The following EML6 variants were observed in gnomAD, a reference collection of about 807,000 sequenced individuals.
The protein encoded by EML6 is EMAP like 6.
A neutral mutation model predicts 240.1 loss-of-function variants in EML6; 154 were observed. That is an observed-to-expected ratio of 0.64 (90% CI 0.56 to 0.73). The LOEUF (loss-of-function observed/expected upper bound fraction) is 0.73, where lower values mean the gene tolerates loss of function less well. EML6 is among the 30% of genes least tolerant of loss of function. EML6 has a pLI of 0.00. For missense variants in EML6, 2,964 were observed against 2,474.6 expected, an observed-to-expected ratio of 1.20 and a Z score of -4.20; for synonymous variants, 1,148 against 899.0, an observed-to-expected ratio of 1.28 and a Z score of -4.95.
Position 54,899,677 on chromosome 2 carries a change from C to T in EML6, c.3019C>T (p.His1007Tyr). 6.4e-7 allele frequency: 1 copy of T among 1,553,962 alleles called. No homozygotes were observed. Residue 1007 changes from histidine to tyrosine, a missense_variant, in exon 22 of 42, where the codon CAC (histidine) becomes TAC (tyrosine). Physicochemically the swap from His to Tyr is moderately conservative, Grantham distance 83. Coordinates refer to ENST00000356458, the MANE Select transcript of EML6 (RefSeq NM_001039753.4). ...AGGAGAAGTGTGGGGGTTGGCAGCT[C>T]ACCCTCTCCTGCCCATCTGTGCAAC... ...MEGEVWGLAA[H>Y]PLLPICATVS...
At chr2:54,849,399 A>G (rs1413840591) in intron 9 of EML6, among the ~76,000 whole-genome samples, 1 of 152,128 alleles carries the variant, frequency 6.6e-6, no homozygotes, top group Non-Finnish European at 1.5e-5. Context: ...CCATTAATCT[A>G]CTTCTCTTCA....
intron 7 of EML6, among the ~76,000 whole-genome samples, chr2:54,836,768 C>G (rs12996834): frequency 6.6e-6 from 1 of 152,168 alleles, no homozygotes; most frequent in Non-Finnish European, 1.5e-5. Flanking sequence ...AATTCCTAAT[C>G]GTTTTTTAGC....
At chr2:54,944,675 C>T (rs1386459638) in intron 28 of EML6, among the ~76,000 whole-genome samples, 1 of 152,100 alleles carries the variant, frequency 6.6e-6, no homozygotes, top group Admixed American at 6.5e-5. Flanking sequence ...GTGTGATAGG[C>T]TTCAGTCAAG....
intron 13 of EML6, among the ~76,000 whole-genome samples, chr2:54,866,494 ATACT>A (rs1670977502): frequency 6.6e-6 from 1 of 152,218 alleles, no homozygotes; most frequent in Non-Finnish European, 1.5e-5. Flanking sequence ...TATTTTACTG[ATACT>A]TAATTTCCTT....
intron 16 of EML6, among the ~76,000 whole-genome samples, chr2:54,872,337 T>A (rs995637260): frequency 6.6e-6 from 1 of 152,216 alleles, no homozygotes; most frequent in East Asian, 1.9e-4. Context: ...AGAATGCTGA[T>A]TTTATAATTT....
At chr2:54,936,425 G>A (rs1403203530) in intron 28 of EML6, among the ~76,000 whole-genome samples, 1 of 152,134 alleles carries the variant, frequency 6.6e-6, no homozygotes, top group Admixed American at 6.5e-5. Flanking sequence ...CACTTAACCG[G>A]CCACATAGGG....
At chr2:54,941,141 C>T (rs150450579) in intron 28 of EML6, among the ~76,000 whole-genome samples, 1 of 152,280 alleles carries the variant, frequency 6.6e-6, no homozygotes, top group East Asian at 1.9e-4. Context: ...TTTTAATTGA[C>T]ATGCAATAAT....
Position 54,863,998 on chromosome 2 carries a change from C to G in EML6, c.1932+109C>G, listed in dbSNP as rs1272838398. On this transcript the variant is annotated intron_variant, in intron 13 of 41. Transcript: ENST00000356458. ...GGCACTTAGACAAAGAGAATTGAGG[C>G]AAAAACAAGAAAAATAGTCTACTTT... 6 of 610,426 alleles carry G rather than the reference C, an allele frequency of 9.8e-6. No homozygotes were observed. The South Asian group carries it at 1.2e-4, about 12-fold the overall frequency. 37.8% of individuals were successfully genotyped at this position (610,426 alleles called of 1,614,324 possible). A position where few individuals can be genotyped will look rare whatever the true frequency, so the allele number is the denominator to read the frequency against.
intron 32 of EML6, among the ~76,000 whole-genome samples, chr2:54,954,528 A>T (rs1222098550): frequency 6.6e-6 from 1 of 152,198 alleles, no homozygotes; most frequent in Non-Finnish European, 1.5e-5. Flanking sequence ...CCTGGATCCT[A>T]CTACAGCCCT....
chr2:54,874,079 C>T (rs1558637419), intron 16 of EML6, among the ~76,000 whole-genome samples: 1 of 152,086 alleles, frequency 6.6e-6, no homozygotes, highest in African/African-American at 2.4e-5. Context: ...GATTAATTTT[C>T]TATTTTTTGA....
rs564285338 is a variant in EML6 at position 54,881,529 on chromosome 2, C to T, written c.2438+1889C>T. ...AATTAGCCAGGCGTGGTGGCGGGCG[C>T]CTGTAATCCTAGCTACTCAGGAGGC... On this transcript the variant is annotated intron_variant, in intron 17 of 41. Coordinates refer to ENST00000356458, the MANE Select transcript of EML6 (RefSeq NM_001039753.4). 9 of 151,762 alleles carry T rather than the reference C, an allele frequency of 5.9e-5. No homozygotes were observed. The South Asian group carries it at 1.9e-3, about 32-fold the overall frequency. The allele number at this position is 151,762 out of a possible 1,614,324, so 9.4% of individuals were successfully genotyped here. A position where few individuals can be genotyped will look rare whatever the true frequency, so the allele number is the denominator to read the frequency against.
intron 2 of EML6, chr2:54,747,160 T>G (rs1683950932): frequency 6.6e-6 from 1 of 152,252 alleles, no homozygotes; most frequent in Non-Finnish European, 1.5e-5. Flanking sequence ...TTGGTAAATA[T>G]GTAAAGTGTA....
intron 26 of EML6, among the ~76,000 whole-genome samples, chr2:54,921,169 T>C (rs1394015775): frequency 6.6e-6 from 1 of 151,996 alleles, no homozygotes. Flanking sequence ...GATGTAAAAT[T>C]ATCTCTATTT....
At chr2:54,887,984 A>G (rs1157000350) in intron 17 of EML6, among the ~76,000 whole-genome samples, 2 of 152,246 alleles carry the variant, frequency 1.3e-5, no homozygotes, top group Non-Finnish European at 2.9e-5. Context: ...GAGTTTTGAC[A>G]AATGTATATT....
At chr2:54,823,878 T>TCTGTCTC (rs60937620) in intron 5 of EML6, among the ~76,000 whole-genome samples, 1 of 129,124 alleles carries the variant, frequency 7.7e-6, no homozygotes, top group Non-Finnish European at 1.6e-5. Context: ...CTCTCTCTCT[T>TCTGTCTC]TCTGTCTCTC....
At chr2:54,762,196 A>G (rs1040978521) in intron 2 of EML6, among the ~76,000 whole-genome samples, 6 of 152,098 alleles carry the variant, frequency 3.9e-5, no homozygotes, top group Non-Finnish European at 8.8e-5. Flanking sequence ...TTAGAAGAAC[A>G]CAGGCCAGTT....
At chr2:54,950,813 T>C (rs1055403917) in intron 30 of EML6, 34 bp downstream of exon 30, 2 of 1,539,816 alleles carry the variant, frequency 1.3e-6, no homozygotes, top group Admixed American at 4.0e-5. Context: ...GGTTTTTCTT[T>C]TAGCTGTTTT....
At chr2:54,964,807 A>G in intron 38 of EML6, 74 bp downstream of exon 38, 2 of 1,399,266 alleles carry the variant, frequency 1.4e-6, no homozygotes, top group Non-Finnish European at 2.0e-6. Flanking sequence ...ATATTAATCG[A>G]GTCCTTACTG....
intron 19 of EML6, among the ~76,000 whole-genome samples, chr2:54,893,926 T>C (rs1464853410): frequency 6.6e-6 from 1 of 152,176 alleles, no homozygotes; most frequent in Non-Finnish European, 1.5e-5. Context: ...AGAAAGAATT[T>C]CTGTAGGCCC....
Sources: allele counts gnomAD v4.1 joint callset (sites outside exome capture counted in the v4.1 genomes callset), GRCh38; gene constraint gnomAD v4.1.1; transcripts MANE v1.5; gene names NCBI Gene and HGNC (gene_info 2026-07-23, HGNC 2026-07-21).